The following TRIM3 variants were observed in gnomAD, a reference collection of about 807,000 sequenced individuals.
The protein encoded by TRIM3 is tripartite motif containing 3.
A neutral mutation model predicts 66.6 loss-of-function variants in TRIM3; 13 were observed. That is an observed-to-expected ratio of 0.20 (90% CI 0.13 to 0.31). The LOEUF (loss-of-function observed/expected upper bound fraction) is 0.31. TRIM3 is among the 10% of genes least tolerant of loss of function. The probability of loss-of-function intolerance (pLI) is 1.00; values close to 1 mark genes in which losing one functional copy is unlikely to be tolerated. For missense variants in TRIM3, 711 were observed against 1,020.4 expected (o/e 0.70, Z 4.13); for synonymous variants, 406 against 411.7 (o/e 0.99, Z 0.17).
chr11:6,457,676 G>A lies in TRIM3; in HGVS notation c.515+20C>T, dbSNP rs1025168626. The stretch of plus-strand genomic sequence containing the variant: ...CCATCCCTGTGGCCCCACCAGCCCA[G>A]GACCCTGCCCAGTGCCTACCGGCCA... On this transcript the variant is annotated intron_variant, in intron 4 of 11. Transcript: ENST00000345851. The surrounding 1 kb of genome is among the most constrained non-coding windows in gnomAD (Gnocchi z 4.5). 1.2e-6 allele frequency: 2 copies of A among 1,605,644 alleles called. No individual in the cohort carries two copies. The highest frequency in any genetic ancestry group is 2.7e-5 in the African/African-American group (2 of 74,734).
chr11:6,460,050 G>C (rs542874309), intron 2 of TRIM3, among the ~76,000 whole-genome samples: 5 of 152,206 alleles, frequency 3.3e-5, no homozygotes, highest in Non-Finnish European at 7.3e-5. Context: ...GAGAGGGACA[G>C]AGCACTTAGC....
At position 6,457,558 on chromosome 11, in the gene TRIM3, C is replaced by T. The variant is rs1199302497; in HGVS notation, c.516-82G>A. ...CTTCTCCCTGGGGAACCTACTGCTG[C>T]CCTCATGGAGATCTCCTTCCTGAGA... On this transcript the variant is annotated intron_variant, in intron 4 of 11. Coordinates refer to ENST00000345851, the MANE Select transcript of TRIM3 (RefSeq NM_033278.4). This position sits in a 1 kb window ranked among gnomAD's most constrained non-coding sequence, Gnocchi z 4.5. The T allele has an allele frequency of 5.1e-6, 8 of 1,563,186 alleles. No homozygotes were observed. The Admixed American group carries it at 1.4e-4, about 27-fold the overall frequency.
At chr11:6,466,195 C>T (rs752278464) in intron 1 of TRIM3, among the ~76,000 whole-genome samples, 1 of 152,188 alleles carries the variant, frequency 6.6e-6, no homozygotes, top group East Asian at 1.9e-4. Flanking sequence ...TCCATTTATA[C>T]CCTGACCCAC....
chr11:6,451,243 G>A, intron 8 of TRIM3, 28 bp downstream of exon 8: 2 of 1,613,578 alleles, frequency 1.2e-6, no homozygotes, highest in African/African-American at 1.3e-5. Context: ...GGACACCAGG[G>A]TAAGTAAAGT....
Position 6,457,955 on chromosome 11 carries a change from A to C in TRIM3, c.364-108T>G, listed in dbSNP as rs1281445298. ...CCTTCTAAGTGCACCCCCTACCTGGACCACTAATCCAGAGCAGTACCCTGT... is the reference window on the plus strand; with the variant it reads ...CCTTCTAAGTGCACCCCCTACCTGGCCCACTAATCCAGAGCAGTACCCTGT... On this transcript the variant is annotated intron_variant, in intron 3 of 11. Coordinates refer to ENST00000345851, the MANE Select transcript of TRIM3 (RefSeq NM_033278.4). The surrounding 1 kb of genome is among the most constrained non-coding windows in gnomAD (Gnocchi z 4.5). 6.5e-7 allele frequency: 1 copy of C among 1,548,260 alleles called. No individual in the cohort carries two copies. The highest frequency in any genetic ancestry group is 8.8e-7 in the Non-Finnish European group (1 of 1,140,554).
intron 7 of TRIM3, among the ~76,000 whole-genome samples, chr11:6,455,293 T>A (rs904157193): frequency 6.6e-6 from 1 of 152,050 alleles, no homozygotes; most frequent in Non-Finnish European, 1.5e-5. Flanking sequence ...CTCAAAGAGG[T>A]CATGTGACTT....
Position 6,449,287 on chromosome 11 carries a change from A to T in TRIM3, c.2082+19T>A. The T allele has an allele frequency of 6.2e-7, 1 of 1,612,014 alleles. No individual in the cohort carries two copies. The highest frequency in any genetic ancestry group is 1.1e-5 in the South Asian group (1 of 91,036). On this transcript the variant is annotated intron_variant, in intron 11 of 11. Transcript: ENST00000345851. The surrounding 1 kb of genome is among the most constrained non-coding windows in gnomAD (Gnocchi z 5.3). ...CACCAGGAAACCGCCCCCTCATGTCATTCCCAGGCCTTACTCACCTGGATG... is the reference window on the plus strand; with the variant it reads ...CACCAGGAAACCGCCCCCTCATGTCTTTCCCAGGCCTTACTCACCTGGATG...
chr11:6,473,369 G>C (rs1231532340), intron 1 of TRIM3: 1 of 129,906 alleles, frequency 7.7e-6, no homozygotes, highest in Admixed American at 7.7e-5. Flanking sequence ...GGGGCGGGGG[G>C]TGGGGTAGGG....
At position 6,448,932 on chromosome 11, in the gene TRIM3, C is replaced by T. The variant is rs755512086; in HGVS notation, c.*96G>A. 1 of 1,513,142 alleles carries T rather than the reference C, an allele frequency of 6.6e-7. No homozygotes were observed. The highest frequency in any genetic ancestry group is 9.1e-7 in the Non-Finnish European group (1 of 1,098,884). The allele number at this position is 1,513,142 out of a possible 1,614,324, so 93.7% of individuals were successfully genotyped here. The stretch of plus-strand genomic sequence containing the variant: ...TGCACCCATGCCCACAGCCCACATT[C>T]AGTGCTGCCAGGTCTGGCCCACCTC... On this transcript the variant is annotated 3_prime_UTR_variant, in exon 12 of 12. Coordinates refer to ENST00000345851, the MANE Select transcript of TRIM3 (RefSeq NM_033278.4).
At chr11:6,459,706 AGAAGGAGG>A (rs1436626527) in intron 2 of TRIM3, among the ~76,000 whole-genome samples, 5 of 152,316 alleles carry the variant, frequency 3.3e-5, no homozygotes, top group African/African-American at 1.2e-4. Context: ...GAAGTGTTTA[AGAAGGAGG>A]GAAGGTGGGA....
In TRIM3 at chr11:6,449,024, A is replaced by G; in HGVS notation, c.*4T>C. The G allele has an allele frequency of 6.2e-7, 1 of 1,614,058 alleles. No individual in the cohort carries two copies. The highest frequency in any genetic ancestry group is 8.5e-7 in the Non-Finnish European group (1 of 1,179,914). On this transcript the variant is annotated 3_prime_UTR_variant, in exon 12 of 12. Coordinates refer to ENST00000345851, the MANE Select transcript of TRIM3 (RefSeq NM_033278.4). The surrounding 1 kb of genome is among the most constrained non-coding windows in gnomAD (Gnocchi z 5.3). ...TCCACAAGCCAGGCAGGGCCTCTGT[A>G]CAGCTACTGGAGGTAGCGATAGGCT...
chr11:6,451,192 G>T, intron 8 of TRIM3, 79 bp downstream of exon 8: 1 of 1,593,544 alleles, frequency 6.3e-7, no homozygotes, highest in Non-Finnish European at 8.6e-7. Context: ...GATCAGTCCA[G>T]ACCCTGACCA....
At position 6,458,996 on chromosome 11, in the gene TRIM3, T is replaced by A. The variant is rs1249217074; in HGVS notation, c.132-700A>T. Among the ~76,000 whole-genome samples the A allele has an allele frequency of 6.6e-6, 1 of 152,222 alleles. No individual in the cohort carries two copies. The highest frequency in any genetic ancestry group is 1.5e-5 in the Non-Finnish European group (1 of 68,042). On this transcript the variant is annotated intron_variant, in intron 2 of 11. Coordinates refer to ENST00000345851, the MANE Select transcript of TRIM3 (RefSeq NM_033278.4). This position sits in a 1 kb window ranked among gnomAD's most constrained non-coding sequence, Gnocchi z 6.2. Reference sequence around the variant, plus strand: ...GCCTGACTCATAATAGCACTATATATGGTAGGCTACTTGTATTACTTATTA... The same window carrying A: ...GCCTGACTCATAATAGCACTATATAAGGTAGGCTACTTGTATTACTTATTA...
chr11:6,460,483 T>C (rs1012609042), intron 2 of TRIM3, among the ~76,000 whole-genome samples: 13 of 151,732 alleles, frequency 8.6e-5, no homozygotes, highest in African/African-American at 2.2e-4. Context: ...ATCTTGAGGA[T>C]TGGGGAGTGC....
intron 1 of TRIM3, among the ~76,000 whole-genome samples, chr11:6,467,797 T>C (rs61148475): frequency 6.6e-6 from 1 of 151,852 alleles, no homozygotes; most frequent in South Asian, 2.1e-4. Flanking sequence ...TATCCTAAGT[T>C]GGAGGGGGGG....
intron 7 of TRIM3, among the ~76,000 whole-genome samples, chr11:6,454,072 A>G (rs1849860967): frequency 6.6e-6 from 1 of 152,206 alleles, no homozygotes; most frequent in African/African-American, 2.4e-5. Context: ...TTCCCTCTCA[A>G]TTCCCCACTC....
chr11:6,457,572 TCCTTCCTGAGA>T lies in TRIM3; in HGVS notation c.516-107_516-97del. 1.3e-6 allele frequency: 2 copies of T among 1,553,168 alleles called. No homozygotes were observed. Among genetic ancestry groups the T allele is most frequent in the East Asian group, 4.5e-5 (2 of 44,286 alleles). On this transcript the variant is annotated intron_variant, in intron 4 of 11. Coordinates refer to ENST00000345851, the MANE Select transcript of TRIM3 (RefSeq NM_033278.4). The surrounding 1 kb of genome is among the most constrained non-coding windows in gnomAD (Gnocchi z 4.5). ...ACCTACTGCTGCCCTCATGGAGATC[TCCTTCCTGAGA>T]CCTCCCTGAGACTTCCATCTCTGCC...
chr11:6,463,591 C>T (rs1249977611), intron 2 of TRIM3, among the ~76,000 whole-genome samples: 1 of 152,144 alleles, frequency 6.6e-6, no homozygotes, highest in African/African-American at 2.4e-5. Context: ...GCAGGAAAGA[C>T]AGGGAGGCCA....
intron 8 of TRIM3, 101 bp from the exon 9 acceptor site, chr11:6,451,161 G>A: frequency 1.3e-6 from 2 of 1,584,886 alleles, no homozygotes; most frequent in Non-Finnish European, 1.7e-6. Context: ...AAAGAACAGG[G>A]AGTAGGAGGA....
Sources: allele counts gnomAD v4.1 joint callset (sites outside exome capture counted in the v4.1 genomes callset), GRCh38; gene constraint gnomAD v4.1.1; non-coding constraint Gnocchi (gnomAD v3.1); transcripts MANE v1.5; gene names NCBI Gene and HGNC (gene_info 2026-07-23, HGNC 2026-07-21).